TUBB4B: variants seen among roughly 807,000 people sequenced by gnomAD.
TUBB4B encodes tubulin beta 4B class IVb.
Under a neutral mutation model 34.3 loss-of-function variants are expected in TUBB4B, and 7 were observed. The observed-to-expected ratio is 0.20, with a 90% CI of 0.12 to 0.38. The LOEUF (loss-of-function observed/expected upper bound fraction) is 0.38. Ranked by LOEUF, TUBB4B falls within the 10% of genes least tolerant of loss-of-function variation. TUBB4B has a pLI of 1.00. For synonymous variants in TUBB4B, 390 were observed against 250.2 expected (o/e 1.56, Z -5.27); for missense variants, 178 against 610.9 (o/e 0.29, Z 7.47).
At chr9:137,242,399 G>T in intron 3 of TUBB4B, 97 bp from the exon 4 acceptor site, 1 of 1,413,524 alleles carries the variant, frequency 7.1e-7, no homozygotes, top group South Asian at 1.3e-5. Flanking sequence ...TGAATTCTGT[G>T]GTCAGCTCAC....
At position 137,241,288 on chromosome 9, in the gene TUBB4B, G is replaced by A. The variant is rs954300725; in HGVS notation, c.-73G>A. 4 of 1,506,534 alleles carry A rather than the reference G, an allele frequency of 2.7e-6. No homozygotes were observed. The highest frequency in any genetic ancestry group is 1.4e-5 in the African/African-American group (1 of 71,262). 93.3% of individuals were successfully genotyped at this position (1,506,534 alleles called of 1,614,324 possible). A position where few individuals can be genotyped will look rare whatever the true frequency, so the allele number is the denominator to read the frequency against. On this transcript the variant is annotated 5_prime_UTR_variant, in exon 1 of 4. Coordinates refer to ENST00000340384, the MANE Select transcript of TUBB4B (RefSeq NM_006088.6). ...AAGCGTTGGCGGAGCGTCGGTTGTA[G>A]CACTCTGCGCGCCCGCTCTTCTGCT...
rs558820779 is a variant in TUBB4B, at chr9:137,242,734, G to A, written c.516G>A (p.Ser172=). ...RIMNTFSVVP[S]PKVSDTVVEP... ...TGAACACGTTTAGTGTGGTGCCTTC[G>A]CCCAAAGTGTCAGACACAGTGGTGG... The change falls in exon 4 of 4, where the codon TCG becomes TCA. Residue 172 remains serine, a synonymous_variant. Transcript: ENST00000340384. 47 of 1,613,774 alleles carry A rather than the reference G, an allele frequency of 2.9e-5. No individual in the cohort carries two copies. Among genetic ancestry groups the A allele is most frequent in the Admixed American group, 1.5e-4 (9 of 60,024 alleles).
intron 3 of TUBB4B, 106 bp downstream of exon 3, chr9:137,242,127 C>A (rs1401448419): frequency 9.1e-7 from 1 of 1,100,102 alleles, no homozygotes; most frequent in Non-Finnish European, 1.3e-6. Context: ...CCCTCCTCTT[C>A]TCTGAGCCAC....
chr9:137,241,650 G>T, intron 1 of TUBB4B, 71 bp from the exon 2 acceptor site: 1 of 1,217,986 alleles, frequency 8.2e-7, no homozygotes, highest in Non-Finnish European at 1.1e-6. Context: ...TCCGGGGCGG[G>T]GCTGCCTCCC....
In TUBB4B at chr9:137,242,569, G is replaced by C; in HGVS notation, c.351G>C (p.Leu117=). 1 of 1,613,994 alleles carries C rather than the reference G, an allele frequency of 6.2e-7. No individual in the cohort carries two copies. Among genetic ancestry groups the C allele is most frequent in the African/African-American group, 1.3e-5 (1 of 75,074 alleles). The change falls in exon 4 of 4, where the codon CTG becomes CTC. Residue 117 remains leucine, a synonymous_variant. Transcript: ENST00000340384. ...GCGCGGAGCTGGTGGACTCGGTGCT[G>C]GATGTTGTGAGAAAGGAGGCTGAGA... is the stretch of plus-strand genomic sequence containing the variant. ...TEGAELVDSV[L]DVVRKEAESC... is the part of the protein sequence containing the mutation.
Position 137,243,581 on chromosome 9 carries a change from G to A in TUBB4B, c.*25G>A. On this transcript the variant is annotated 3_prime_UTR_variant, in exon 4 of 4. Coordinates refer to ENST00000340384, the MANE Select transcript of TUBB4B (RefSeq NM_006088.6). ...GAGCCTTCAGTCACTGGGGAAAGCA[G>A]GGAAGCAGTGTGAACTCTTTATTCA... 1 of 1,613,608 alleles carries A rather than the reference G, an allele frequency of 6.2e-7. No individual in the cohort carries two copies. The highest frequency in any genetic ancestry group is 1.1e-5 in the South Asian group (1 of 91,088).
chr9:137,241,311 G>A lies in TUBB4B; in HGVS notation c.-50G>A, dbSNP rs572536677. 2.6e-5 allele frequency: 41 copies of A among 1,578,430 alleles called. No homozygotes were observed. The highest frequency in any genetic ancestry group is 6.8e-5 in the African/African-American group (5 of 73,526). On this transcript the variant is annotated 5_prime_UTR_variant, in exon 1 of 4. Coordinates refer to ENST00000340384, the MANE Select transcript of TUBB4B (RefSeq NM_006088.6). ...TAGCACTCTGCGCGCCCGCTCTTCT[G>A]CTGCTGTTTGTCTACTTCCTCCTGC... is the stretch of plus-strand genomic sequence containing the variant.
chr9:137,243,478 C>T lies in TUBB4B; in HGVS notation c.1260C>T (p.Ser420=), dbSNP rs756461022. ...AGAGCAACATGAATGACCTGGTGTC[C>T]GAGTACCAGCAGTACCAGGATGCCA... ...EAESNMNDLV[S]EYQQYQDATA... Residue 420 remains serine (S), a synonymous_variant, in exon 4 of 4, where the codon TCC becomes TCT. Coordinates refer to ENST00000340384, the MANE Select transcript of TUBB4B (RefSeq NM_006088.6). The T allele has an allele frequency of 3.3e-5, 54 of 1,613,754 alleles. No homozygotes were observed. Among genetic ancestry groups the T allele is most frequent in the African/African-American group, 3.2e-4 (24 of 75,044 alleles).
At position 137,243,472 on chromosome 9, in the gene TUBB4B, G is replaced by A. The variant is rs146178039; in HGVS notation, c.1254G>A (p.Leu418=). The A allele has an allele frequency of 1.9e-6, 3 of 1,613,790 alleles. No homozygotes were observed. In the East Asian group the frequency reaches 6.7e-5, roughly 36 times the overall value. ...AGGCCGAGAGCAACATGAATGACCT[G>A]GTGTCCGAGTACCAGCAGTACCAGG... ...FTEAESNMND[L]VSEYQQYQDA... is the part of the protein sequence containing the mutation. Residue 418 remains leucine, a synonymous_variant, in exon 4 of 4, where the codon CTG becomes CTA. Coordinates refer to ENST00000340384, the MANE Select transcript of TUBB4B (RefSeq NM_006088.6).
In TUBB4B at chr9:137,243,310, C is replaced by T. The variant is rs373518185; in HGVS notation, c.1092C>T (p.Ser364=). Reference sequence around the variant, plus strand: ...TCCCACCTCGGGGGCTAAAAATGTCCGCCACCTTCATTGGCAACAGCACGG... The same window carrying T: ...TCCCACCTCGGGGGCTAAAAATGTCTGCCACCTTCATTGGCAACAGCACGG... The part of the protein sequence containing the change: ...CDIPPRGLKM[S]ATFIGNSTAI... The change falls in exon 4 of 4, where the codon TCC becomes TCT. Residue 364 remains serine (S), a synonymous_variant. Transcript: ENST00000340384. 96 of 1,613,490 alleles carry T rather than the reference C, an allele frequency of 5.9e-5. No individual in the cohort carries two copies. Among genetic ancestry groups the T allele is most frequent in the African/African-American group, 2.9e-4 (22 of 74,942 alleles).
intron 1 of TUBB4B, 114 bp from the exon 2 acceptor site, chr9:137,241,607 G>C (rs1158702255): frequency 1.0e-4 from 75 of 723,266 alleles, no homozygotes; most frequent in Non-Finnish European, 1.2e-4. Context: ...GCGGGGCGGG[G>C]GAGGGGCGGG....
At position 137,242,701 on chromosome 9, in the gene TUBB4B, C is replaced by T. The variant is rs950002504; in HGVS notation, c.483C>T (p.Asp161=). 6 of 1,613,642 alleles carry T rather than the reference C, an allele frequency of 3.7e-6. No homozygotes were observed. The highest frequency in any genetic ancestry group is 2.2e-5 in the East Asian group (1 of 44,902). The part of the protein sequence containing the change: ...LISKIREEYP[D]RIMNTFSVVP... ...GCAAGATCCGGGAGGAGTACCCAGA[C>T]AGGATCATGAACACGTTTAGTGTGG... Residue 161 remains aspartate (D), a synonymous_variant, in exon 4 of 4, where the codon GAC becomes GAT. Coordinates refer to ENST00000340384, the MANE Select transcript of TUBB4B (RefSeq NM_006088.6).
chr9:137,243,424 C>T lies in TUBB4B; in HGVS notation c.1206C>T (p.Gly402=), dbSNP rs1588859620. 14 of 1,613,624 alleles carry T rather than the reference C, an allele frequency of 8.7e-6. No individual in the cohort carries two copies. The highest frequency in any genetic ancestry group is 1.2e-5 in the Non-Finnish European group (14 of 1,180,040). ...TCCTGCACTGGTACACGGGCGAGGG[C>T]ATGGACGAGATGGAGTTCACCGAGG... The part of the protein sequence containing the change: ...KAFLHWYTGE[G]MDEMEFTEAE... Residue 402 remains glycine (G), a synonymous_variant, in exon 4 of 4, where the codon GGC becomes GGT. Coordinates refer to ENST00000340384, the MANE Select transcript of TUBB4B (RefSeq NM_006088.6).
In TUBB4B at chr9:137,242,347, C is replaced by T. The variant is rs926046757; in HGVS notation, c.278-149C>T. The T allele has an allele frequency of 4.8e-5, 46 of 954,072 alleles. 1 individual carries two copies. The highest frequency in any genetic ancestry group is 3.0e-4 in the Middle Eastern group (1 of 3,302). 59.1% of individuals were successfully genotyped at this position (954,072 alleles called of 1,614,324 possible). A position where few individuals can be genotyped will look rare whatever the true frequency, so the allele number is the denominator to read the frequency against. The stretch of plus-strand genomic sequence containing the variant: ...CTTAATTCGTAGCAGGGCAGGCTGC[C>T]GTCTTTTGGCTTTGAAGGGTCCGTT... On this transcript the variant is annotated intron_variant, in intron 3 of 3. Coordinates refer to ENST00000340384, the MANE Select transcript of TUBB4B (RefSeq NM_006088.6).
chr9:137,241,294 T>A lies in TUBB4B; in HGVS notation c.-67T>A. On this transcript the variant is annotated 5_prime_UTR_variant, in exon 1 of 4. Coordinates refer to ENST00000340384, the MANE Select transcript of TUBB4B (RefSeq NM_006088.6). Reference sequence around the variant, plus strand: ...TGGCGGAGCGTCGGTTGTAGCACTCTGCGCGCCCGCTCTTCTGCTGCTGTT... The same window carrying A: ...TGGCGGAGCGTCGGTTGTAGCACTCAGCGCGCCCGCTCTTCTGCTGCTGTT... 4 of 1,538,846 alleles carry A rather than the reference T, an allele frequency of 2.6e-6. No individual in the cohort carries two copies. Among genetic ancestry groups the A allele is most frequent in the African/African-American group, 1.4e-5 (1 of 71,976 alleles).
intron 3 of TUBB4B, 150 bp from the exon 4 acceptor site, chr9:137,242,346 C>T (rs570922067): frequency 2.1e-5 from 20 of 948,162 alleles, no homozygotes; most frequent in South Asian, 3.5e-5. Flanking sequence ...GGGCAGGCTG[C>T]CGTCTTTTGG....
intron 1 of TUBB4B, 144 bp downstream of exon 1, chr9:137,241,561 C>A: frequency 1.2e-6 from 1 of 850,590 alleles, no homozygotes; most frequent in Non-Finnish European, 1.4e-6. Flanking sequence ...CCGAGCCGGG[C>A]GACCGAAGCC....
chr9:137,241,663 CGCACCGGCCGCG>C, intron 1 of TUBB4B, 46 bp from the exon 2 acceptor site: 1 of 1,418,096 alleles, frequency 7.1e-7, no homozygotes, highest in Non-Finnish European at 9.4e-7. Flanking sequence ...TGCCTCCCTG[CGCACCGGCCGCG>C]GTGACTCAGC....
rs368093109 is a variant in TUBB4B at position 137,241,315 on chromosome 9, C to G, written c.-46C>G. ...ACTCTGCGCGCCCGCTCTTCTGCTG[C>G]TGTTTGTCTACTTCCTCCTGCTTCC... On this transcript the variant is annotated 5_prime_UTR_variant, in exon 1 of 4. Transcript: ENST00000340384. 36 of 1,581,942 alleles carry G rather than the reference C, an allele frequency of 2.3e-5. No individual in the cohort carries two copies. Among genetic ancestry groups the G allele is most frequent in the Middle Eastern group, 1.7e-4 (1 of 6,044 alleles).
Sources: gnomAD v4.1 joint callset for allele counts on GRCh38, gnomAD v4.1.1 for gene constraint, MANE v1.5 for transcripts, NCBI Gene and HGNC (gene_info 2026-07-23, HGNC 2026-07-21) for gene names.